Variants in NTM observed in about 807,000 individuals in gnomAD.
The protein encoded by NTM is IgLON family member 2.
NTM carries 13 observed loss-of-function variants against 42.1 expected under a neutral mutation model. The observed-to-expected ratio is 0.31, with a 90% CI of 0.20 to 0.49. The LOEUF (loss-of-function observed/expected upper bound fraction) is 0.49. NTM is among the 20% of genes least tolerant of loss of function. The pLI, the probability that NTM is intolerant of heterozygous loss-of-function variation, is 0.99. For synonymous variants in NTM, 187 were observed against 179.2 expected (o/e 1.04, Z -0.35); for missense variants, 373 against 452.8 (o/e 0.82, Z 1.60).
At chr11:131,518,187 G>A (rs2049136663) in intron 1 of NTM, among the ~76,000 whole-genome samples, 1 of 152,184 alleles carries the variant, frequency 6.6e-6, no homozygotes, top group South Asian at 2.1e-4. Context: ...TCCTAGTGGA[G>A]CTTATATTCT....
In NTM at chr11:131,800,525, C is replaced by T. The variant is rs556419501; in HGVS notation, c.83-111039C>T. 1.9e-4 allele frequency among the ~76,000 whole-genome samples: 29 copies of T among 152,344 alleles called. No homozygotes were observed. In the East Asian group the frequency reaches 2.1e-3, roughly 11 times the overall value. On this transcript the variant is annotated intron_variant, in intron 1 of 8. Coordinates refer to ENST00000683400, the MANE Select transcript of NTM (RefSeq NM_001352005.2). ...CTAAAGAAATTGCATGAATACATATCGCTTTGTTTAAATAACACTTGGTTT... is the reference window on the plus strand; with the variant it reads ...CTAAAGAAATTGCATGAATACATATTGCTTTGTTTAAATAACACTTGGTTT...
rs548491049 is a variant in NTM, at chr11:131,503,324, A to G, written c.82+132436A>G. 2.5e-3 allele frequency among the ~76,000 whole-genome samples: 386 copies of G among 152,300 alleles called. 1 individual carries two copies. Among genetic ancestry groups the G allele is most frequent in the South Asian group, 5.2e-3 (25 of 4,820 alleles). ...TAAGAGGAGAGGTTAGAGCAGGAACATGCAGGGTAGATCTGGGGAGGATAA... is the reference window on the plus strand; with the variant it reads ...TAAGAGGAGAGGTTAGAGCAGGAACGTGCAGGGTAGATCTGGGGAGGATAA... On this transcript the variant is annotated intron_variant, in intron 1 of 8. Coordinates refer to ENST00000683400, the MANE Select transcript of NTM (RefSeq NM_001352005.2).
chr11:132,237,572 C>G (rs749522640), intron 4 of NTM, among the ~76,000 whole-genome samples: 5 of 152,190 alleles, frequency 3.3e-5, no homozygotes, highest in African/African-American at 9.6e-5. Context: ...TTCTCACTGC[C>G]TGACAAAGCC....
At chr11:131,633,549 A>C (rs1015103190) in intron 1 of NTM, among the ~76,000 whole-genome samples, 1,571 of 100,900 alleles carry the variant, frequency 0.016, no homozygotes, top group Middle Eastern at 0.06. Flanking sequence ...CTCTATCTCT[A>C]TCTCTCCCTC....
At chr11:132,047,903 C>T (rs932225816) in intron 2 of NTM, among the ~76,000 whole-genome samples, 12 of 152,172 alleles carry the variant, frequency 7.9e-5, no homozygotes, top group Non-Finnish European at 1.2e-4. Flanking sequence ...GTGGACGACC[C>T]GCTTGACATC....
intron 1 of NTM, among the ~76,000 whole-genome samples, chr11:131,474,639 C>A (rs1340775602): frequency 6.6e-6 from 1 of 152,152 alleles, no homozygotes; most frequent in Non-Finnish European, 1.5e-5. Context: ...GCTGCCTAGC[C>A]AGGAACCTGG....
Position 132,071,748 on chromosome 11 carries a change from A to AT in NTM, c.168-74524dup, listed in dbSNP as rs112249488. Among the ~76,000 whole-genome samples the AT allele has an allele frequency of 3.8e-3, 565 of 149,198 alleles. 2 individuals carry two copies. Among genetic ancestry groups the AT allele is most frequent in the African/African-American group, 7.8e-3 (317 of 40,644 alleles). Reference sequence around the variant, plus strand: ...TTTTTGTGTGAAAGAGAGAAAGAACATTTTTTTTTTCTGGAATTAGAGTTC... The same window carrying AT: ...TTTTTGTGTGAAAGAGAGAAAGAACATTTTTTTTTTTCTGGAATTAGAGTTC... On this transcript the variant is annotated intron_variant, in intron 2 of 8. Coordinates refer to ENST00000683400, the MANE Select transcript of NTM (RefSeq NM_001352005.2).
At chr11:131,563,579 CTTTTTTTTT>C (rs71911433) in intron 1 of NTM, among the ~76,000 whole-genome samples, 6 of 88,784 alleles carry the variant, frequency 6.8e-5, no homozygotes, top group South Asian at 4.3e-4. Context: ...GCTCCAGACA[CTTTTTTTTT>C]TTTTTTTTTT....
chr11:131,661,089 T>TG lies in NTM; in HGVS notation c.83-250468dup, dbSNP rs201898772. The stretch of plus-strand genomic sequence containing the variant: ...ATTCTTCATCTTTTGCACAGACTGG[T>TG]GGGGGGGTCTTCCCCCTAGATTCGG... On this transcript the variant is annotated intron_variant, in intron 1 of 8. Transcript: ENST00000683400. 880 of 1,269,528 alleles carry TG rather than the reference T, an allele frequency of 6.9e-4. 8 individuals carry two copies. The African/African-American group carries it at 0.01, about 15-fold the overall frequency. The allele number at this position is 1,269,528 out of a possible 1,614,324, so 78.6% of individuals were successfully genotyped here. A position where few individuals can be genotyped will look rare whatever the true frequency, so the allele number is the denominator to read the frequency against.
chr11:131,935,372 G>A (rs182613826), intron 2 of NTM, among the ~76,000 whole-genome samples: 95 of 152,216 alleles, frequency 6.2e-4, no homozygotes, highest in African/African-American at 2.0e-3. Flanking sequence ...TCAGAATGTC[G>A]GGCTTTTTGT....
rs992749189 is a variant in NTM, at chr11:131,774,103, C to A, written c.83-137461C>A. The A allele has an allele frequency of 4.1e-6, 4 of 985,060 alleles. No individual in the cohort carries two copies. The African/African-American group carries it at 7.0e-5, about 17-fold the overall frequency. The allele number at this position is 985,060 out of a possible 1,614,324, so 61.0% of individuals were successfully genotyped here. On this transcript the variant is annotated intron_variant, in intron 1 of 8. Transcript: ENST00000683400. The stretch of plus-strand genomic sequence containing the variant: ...CCAAAATTGCTCTGAAACCTTCCAC[C>A]AAGCTTACAGTACTTAATCATCAGC...
At chr11:131,515,043 G>C (rs562692618) in intron 1 of NTM, among the ~76,000 whole-genome samples, 1 of 152,168 alleles carries the variant, frequency 6.6e-6, no homozygotes, top group Admixed American at 6.5e-5. Context: ...TGAGTAGCTG[G>C]AACTACTACC....
In NTM at chr11:132,104,356, C is replaced by T. The variant is rs140248818; in HGVS notation, c.168-41926C>T. On this transcript the variant is annotated intron_variant, in intron 2 of 8. Coordinates refer to ENST00000683400, the MANE Select transcript of NTM (RefSeq NM_001352005.2). ...TCCCCTTCCTCCCTCCATTTTCCCCCGTCCCATCTTCTTTCCTTGCATCCT... is the reference window on the plus strand; with the variant it reads ...TCCCCTTCCTCCCTCCATTTTCCCCTGTCCCATCTTCTTTCCTTGCATCCT... Among the ~76,000 whole-genome samples the T allele has an allele frequency of 5.9e-5, 9 of 152,144 alleles. No individual in the cohort carries two copies. In the South Asian group the frequency reaches 8.3e-4, roughly 14 times the overall value.
chr11:132,146,449 C>A lies in NTM; in HGVS notation c.335C>A (p.Pro112His). ...IQNVDVYDEG[P>H]YTCSVQTDNH... is the part of the protein sequence containing the mutation. ...AACGTGGATGTGTATGACGAGGGCC[C>A]TTACACCTGCTCGGTGCAGACAGAC... Residue 112 changes from proline (P) to histidine (H), a missense_variant, in exon 3 of 9, where the codon CCT becomes CAT. By Grantham distance (77) the Pro-to-His change is moderately conservative. Coordinates refer to ENST00000683400, the MANE Select transcript of NTM (RefSeq NM_001352005.2). This position sits in a 1 kb window ranked among gnomAD's most constrained non-coding sequence, Gnocchi z 4.5. 2 of 1,614,204 alleles carry A rather than the reference C, an allele frequency of 1.2e-6. No individual in the cohort carries two copies. The highest frequency in any genetic ancestry group is 1.7e-6 in the Non-Finnish European group (2 of 1,180,048).
intron 2 of NTM, among the ~76,000 whole-genome samples, chr11:131,934,106 T>G (rs2058952697): frequency 6.6e-6 from 1 of 152,166 alleles, no homozygotes; most frequent in South Asian, 2.1e-4. Context: ...TTATGTATAG[T>G]TACCATGTGC....
intron 1 of NTM, among the ~76,000 whole-genome samples, chr11:131,639,367 G>A (rs191634801): frequency 6.6e-6 from 1 of 152,244 alleles, no homozygotes; most frequent in African/African-American, 2.4e-5. Flanking sequence ...TTATTTTCCA[G>A]AGAAAATGGC....
intron 1 of NTM, among the ~76,000 whole-genome samples, chr11:131,758,656 A>G (rs374137950): frequency 6.6e-6 from 1 of 150,898 alleles, no homozygotes; most frequent in African/African-American, 2.4e-5. Context: ...GCAGTGGTGC[A>G]ATCTTGGCTC....
chr11:132,240,087 A>G (rs948596619), intron 4 of NTM, among the ~76,000 whole-genome samples: 4 of 152,106 alleles, frequency 2.6e-5, no homozygotes, highest in Admixed American at 1.3e-4. Flanking sequence ...CCATCCATCC[A>G]TCCATCCACA....
intron 4 of NTM, among the ~76,000 whole-genome samples, chr11:132,219,355 G>A (rs1284934923): frequency 6.6e-6 from 1 of 152,096 alleles, no homozygotes; most frequent in Non-Finnish European, 1.5e-5. Context: ...GATCATGGCA[G>A]CCAGGAACCA....
Sources: allele counts gnomAD v4.1 joint callset (sites outside exome capture counted in the v4.1 genomes callset), GRCh38; gene constraint gnomAD v4.1.1; non-coding constraint Gnocchi (gnomAD v3.1); transcripts MANE v1.5; gene names NCBI Gene and HGNC (gene_info 2026-07-23, HGNC 2026-07-21).